Variants in IRF8 observed in about 807,000 individuals in gnomAD.
IRF8 encodes the protein interferon regulatory factor 8, also known as interferon consensus sequence binding protein 1.
In IRF8, 14 loss-of-function variants were observed where a neutral mutation model predicts 48.7. That is an observed-to-expected ratio of 0.29 (90% confidence interval 0.19 to 0.45). The LOEUF is 0.45. Among genes scored for constraint, IRF8 ranks in the 20% least tolerant of loss-of-function variants. IRF8 has a pLI of 1.00. For missense variants in IRF8, 493 were observed against 580.7 expected, an observed-to-expected ratio of 0.85 and a Z score of 1.55; for synonymous variants, 278 against 227.3, an observed-to-expected ratio of 1.22 and a Z score of -2.01.
In IRF8 at chr16:85,903,172, G is replaced by T; in HGVS notation, c.157G>T (p.Asp53Tyr). The change falls in exon 2 of 9, where the codon GAT becomes TAT. Residue 53 changes from aspartate (D) to tyrosine (Y), a missense_variant. Physicochemically the swap from Asp to Tyr is radical, Grantham distance 160. Transcript: ENST00000268638. Reference sequence around the variant, plus strand: ...CAAGCAAGATTATAATCAGGAAGTGGATGCCTCCATTTTTAAGGTAAAGAG... The same window carrying T: ...CAAGCAAGATTATAATCAGGAAGTGTATGCCTCCATTTTTAAGGTAAAGAG... ...AGKQDYNQEV[D>Y]ASIFKAWAVF... 1.2e-6 allele frequency: 2 copies of T among 1,614,110 alleles called. No individual in the cohort carries two copies. Among genetic ancestry groups the T allele is most frequent in the Non-Finnish European group, 1.7e-6 (2 of 1,180,008 alleles).
chr16:85,913,387 C>A, intron 5 of IRF8, 151 bp downstream of exon 5: 1 of 670,372 alleles, frequency 1.5e-6, no homozygotes, highest in South Asian at 1.6e-5. Context: ...GAACGATGGC[C>A]CTGGTTTCCC....
chr16:85,904,680 C>G (rs1338690004), intron 2 of IRF8, among the ~76,000 whole-genome samples: 1 of 152,122 alleles, frequency 6.6e-6, no homozygotes, highest in African/African-American at 2.4e-5. Flanking sequence ...TTGGTGCCCC[C>G]ACACGTTCCA....
chr16:85,910,390 G>A (rs1394150518), intron 3 of IRF8, among the ~76,000 whole-genome samples: 2 of 152,124 alleles, frequency 1.3e-5, no homozygotes, highest in South Asian at 2.1e-4. Flanking sequence ...TTGGAGAATC[G>A]GGTGCCCTTT....
intron 5 of IRF8, 62 bp from the exon 6 acceptor site, chr16:85,914,411 G>T (rs997028648): frequency 3.0e-5 from 48 of 1,599,410 alleles, no homozygotes; most frequent in Non-Finnish European, 3.8e-5. Flanking sequence ...GGAGCGATTG[G>T]GGTTACTCCC....
At chr16:85,902,918 C>T in intron 1 of IRF8, 97 bp from the exon 2 acceptor site, 1 of 1,360,046 alleles carries the variant, frequency 7.4e-7, no homozygotes, top group Non-Finnish European at 1.0e-6. Flanking sequence ...AGCACCTTTG[C>T]TGCAAACCTC....
At chr16:85,900,338 G>A (rs966603164) in intron 1 of IRF8, among the ~76,000 whole-genome samples, 1 of 152,188 alleles carries the variant, frequency 6.6e-6, no homozygotes, top group African/African-American at 2.4e-5. Flanking sequence ...ATAGGGCTTG[G>A]CCAATAGATT....
chr16:85,918,327 C>T (rs781697058), intron 6 of IRF8, 90 bp from the exon 7 acceptor site: 30 of 1,424,424 alleles, frequency 2.1e-5, no homozygotes, highest in East Asian at 1.4e-4. Context: ...AAGAGTTACC[C>T]GTGTAGGTGT....
In IRF8 at chr16:85,905,638, GCTT is replaced by G. The variant is rs550403765; in HGVS notation, c.174+2454_174+2456del. Reference sequence around the variant, plus strand: ...CCCATCATGTGCTTCCCTGAGCTATGCTTCTTCCCATCCATCCTCTGAGAGGCC... The same window carrying G: ...CCCATCATGTGCTTCCCTGAGCTATGCTTCCCATCCATCCTCTGAGAGGCC... On this transcript the variant is annotated intron_variant, in intron 2 of 8. Coordinates refer to ENST00000268638, the MANE Select transcript of IRF8 (RefSeq NM_002163.4). Among the ~76,000 whole-genome samples the G allele has an allele frequency of 6.9e-3, 1,049 of 152,298 alleles. 6 individuals are homozygous for G. Among genetic ancestry groups the G allele is most frequent in the Non-Finnish European group, 0.011 (740 of 68,018 alleles).
At chr16:85,899,760 T>A (rs1440133766) in intron 1 of IRF8, among the ~76,000 whole-genome samples, 2 of 152,192 alleles carry the variant, frequency 1.3e-5, no homozygotes, top group East Asian at 1.9e-4. Context: ...AGCCCAGTCG[T>A]CCTTGGCAAG....
chr16:85,904,554 C>T lies in IRF8; in HGVS notation c.174+1365C>T, dbSNP rs148615659. Among the ~76,000 whole-genome samples, 453 of 152,324 alleles carry T rather than the reference C, an allele frequency of 3.0e-3. 4 individuals carry two copies. Among genetic ancestry groups the T allele is most frequent in the African/African-American group, 0.01 (429 of 41,566 alleles). On this transcript the variant is annotated intron_variant, in intron 2 of 8. Coordinates refer to ENST00000268638, the MANE Select transcript of IRF8 (RefSeq NM_002163.4). ...AGTGGGGCTGTGCGTTTCAGTAATT[C>T]TGTTAAATCTGCAATTTGAGGTTGC... is the stretch of plus-strand genomic sequence containing the variant.
At position 85,921,502 on chromosome 16, in the gene IRF8, C is replaced by T. The variant is rs941850898; in HGVS notation, c.*220C>T. On this transcript the variant is annotated 3_prime_UTR_variant, in exon 9 of 9. Transcript: ENST00000268638. ...GGTGATGGCCTGGATGCTGTAACCACAACCTGTGGCTAAAAATTTTATTTT... is the reference window on the plus strand; with the variant it reads ...GGTGATGGCCTGGATGCTGTAACCATAACCTGTGGCTAAAAATTTTATTTT... 3.3e-5 allele frequency: 19 copies of T among 580,560 alleles called. No individual in the cohort carries two copies. The African/African-American group carries it at 3.4e-4, about 10-fold the overall frequency. 36.0% of individuals were successfully genotyped at this position (580,560 alleles called of 1,614,324 possible).
chr16:85,916,412 A>G (rs565545985), intron 6 of IRF8, among the ~76,000 whole-genome samples: 2 of 152,180 alleles, frequency 1.3e-5, no homozygotes, highest in East Asian at 1.9e-4. Context: ...GAGTGGCTCT[A>G]TAAGGGCAGG....
chr16:85,913,390 G>A, intron 5 of IRF8, 154 bp downstream of exon 5: 1 of 667,654 alleles, frequency 1.5e-6, no homozygotes, highest in Non-Finnish European at 2.7e-6. Flanking sequence ...CGATGGCCCT[G>A]GTTTCCCAAC....
At chr16:85,917,651 C>A (rs1481033691) in intron 6 of IRF8, among the ~76,000 whole-genome samples, 1 of 152,190 alleles carries the variant, frequency 6.6e-6, no homozygotes, top group Non-Finnish European at 1.5e-5. Flanking sequence ...GCCCTAAGTT[C>A]AGTGCCATTA....
chr16:85,918,313 C>A, intron 6 of IRF8, 104 bp from the exon 7 acceptor site: 1 of 1,360,334 alleles, frequency 7.4e-7, no homozygotes, highest in Non-Finnish European at 1.0e-6. Flanking sequence ...GTTCAAGACA[C>A]ACAAAGAGTT....
intron 3 of IRF8, 124 bp downstream of exon 3, chr16:85,909,297 TTC>T (rs1239679092): frequency 2.6e-6 from 2 of 774,806 alleles, no homozygotes; most frequent in Non-Finnish European, 4.4e-6. Context: ...AACAAAGCAG[TTC>T]TCTCCTTCGT....
intron 4 of IRF8, among the ~76,000 whole-genome samples, chr16:85,912,707 T>C (rs1905181651): frequency 6.6e-6 from 1 of 152,248 alleles, no homozygotes. Flanking sequence ...CTTTAAGGAA[T>C]GGGCCAGAGA....
In IRF8 at chr16:85,918,798, T is replaced by G; in HGVS notation, c.983T>G (p.Phe328Cys). 5 of 1,608,366 alleles carry G rather than the reference T, an allele frequency of 3.1e-6. No individual in the cohort carries two copies. In the South Asian group the frequency reaches 5.5e-5, roughly 18 times the overall value. ...VVQVFDTSQF[F>C]RELQQFYNSQ... is the part of the protein sequence containing the mutation. ...CAGGTCTTCGACACCAGCCAGTTCT[T>G]CCGAGGTCTGTACCGTCGTCACCTT... Residue 328 changes from phenylalanine (F) to cysteine (C), a missense_variant, in exon 7 of 9, where the codon TTC (phenylalanine) becomes TGC (cysteine). Physicochemically the swap from Phe to Cys is radical, Grantham distance 205. Around this residue, in one of 3 missense-constraint regions of IRF8, gnomAD observed 408 missense variants for 449.6 expected, o/e 0.91. Transcript: ENST00000268638.
chr16:85,911,795 T>C, intron 4 of IRF8, 137 bp downstream of exon 4: 1 of 724,050 alleles, frequency 1.4e-6, no homozygotes, highest in South Asian at 1.5e-5. Context: ...TCTCCACCTG[T>C]ACAGATCTGG....
Sources: gnomAD v4.1 joint callset for allele counts (sites outside exome capture counted in the v4.1 genomes callset) on GRCh38, gnomAD v4.1.1 for gene constraint, gnomAD v4.1.1 regional missense constraint, MANE v1.5 for transcripts, NCBI Gene and HGNC (gene_info 2026-07-23, HGNC 2026-07-21) for gene names.